ZBBX: variants seen among roughly 807,000 people sequenced by gnomAD.
ZBBX encodes the protein zinc finger B-box domain containing.
A neutral mutation model predicts 108.5 loss-of-function variants in ZBBX; 101 were observed. That is an observed-to-expected ratio of 0.93 (90% CI 0.79 to 1.10). ZBBX has a LOEUF of 1.10. Among genes scored for constraint, ZBBX ranks in the 50% least tolerant of loss-of-function variants. The pLI, the probability that ZBBX is intolerant of heterozygous loss-of-function variation, is 0.00. For synonymous variants in ZBBX, 356 were observed against 323.4 expected (o/e 1.10, Z -1.08); for missense variants, 1,009 against 941.4 (o/e 1.07, Z -0.94).
intron 18 of ZBBX, among the ~76,000 whole-genome samples, chr3:167,295,801 GC>G (rs1367413343): frequency 7.6e-6 from 1 of 131,032 alleles, no homozygotes; most frequent in Non-Finnish European, 1.6e-5. Flanking sequence ...ACAAAAATTT[GC>G]CAATAATGAA....
At chr3:167,328,201 T>C in intron 10 of ZBBX, 85 bp from the exon 11 acceptor site, 1 of 1,360,964 alleles carries the variant, frequency 7.3e-7, no homozygotes, top group Non-Finnish European at 1.0e-6. Flanking sequence ...ATTCTGTGTT[T>C]TAAAATACAG....
At chr3:167,359,267 G>A (rs1411968645) in intron 8 of ZBBX, among the ~76,000 whole-genome samples, 2 of 152,062 alleles carry the variant, frequency 1.3e-5, no homozygotes, top group Non-Finnish European at 2.9e-5. Context: ...TAAAAATCAG[G>A]ACAGTAGTTG....
chr3:167,360,005 C>A, intron 7 of ZBBX, 26 bp from the exon 8 acceptor site: 4 of 1,313,008 alleles, frequency 3.0e-6, no homozygotes, highest in South Asian at 2.9e-5. Context: ...TAATATTACT[C>A]CAATCATTTA....
chr3:167,327,386 T>C (rs1737588697), intron 11 of ZBBX, among the ~76,000 whole-genome samples: 1 of 152,140 alleles, frequency 6.6e-6, no homozygotes, highest in African/African-American at 2.4e-5. Flanking sequence ...AATCCAATTA[T>C]CCATTCATTT....
At chr3:167,190,466 C>T in the ZBBX span, among the ~76,000 whole-genome samples, 1 of 151,034 alleles carries the variant, frequency 6.6e-6, no homozygotes, top group Non-Finnish European at 1.5e-5. Context: ...CTGCAAGCTC[C>T]GCCTCCCGGG....
rs1560124211 is a variant in ZBBX at position 167,323,246 on chromosome 3, G to C, written c.863-1009C>G. Among the ~76,000 whole-genome samples, 11 of 149,230 alleles carry C rather than the reference G, an allele frequency of 7.4e-5. 1 individual carries two copies. The highest frequency in any genetic ancestry group is 6.7e-4 in the South Asian group (3 of 4,510). On this transcript the variant is annotated intron_variant, in intron 11 of 21. Coordinates refer to ENST00000675490, the MANE Select transcript of ZBBX (RefSeq NM_001199201.2). ...GACAGGAGAGCTAAAAGAGGGGGGG[G>C]GGGGAAAGAACTCTTTTGTTTTTGC...
the ZBBX span, among the ~76,000 whole-genome samples, chr3:167,231,729 T>C: frequency 1.6e-4 from 24 of 151,758 alleles, no homozygotes; most frequent in Admixed American, 1.6e-3. Context: ...AAGCAAGAGA[T>C]TGGAATTCTG....
At chr3:167,276,943 C>T (rs1488309649) in intron 20 of ZBBX, among the ~76,000 whole-genome samples, 1 of 152,264 alleles carries the variant, frequency 6.6e-6, no homozygotes, top group Admixed American at 6.5e-5. Context: ...CAATATTCAA[C>T]ATTCTTAAAG....
At chr3:167,252,207 G>A (rs1332650770) in intron 20 of ZBBX, 1 of 1,288,944 alleles carries the variant, frequency 7.8e-7, no homozygotes. Flanking sequence ...AGAAGTGGAT[G>A]CATCCTAGAA....
chr3:167,350,200 T>C (rs373798306), intron 9 of ZBBX, among the ~76,000 whole-genome samples: 1 of 152,070 alleles, frequency 6.6e-6, no homozygotes, highest in East Asian at 1.9e-4. Flanking sequence ...CTAAGCTGTT[T>C]CTGCAACTAC....
the ZBBX span, among the ~76,000 whole-genome samples, chr3:167,184,783 A>G: frequency 6.6e-6 from 1 of 152,118 alleles, no homozygotes; most frequent in Non-Finnish European, 1.5e-5. Context: ...GGCAATTTAA[A>G]TTTGGTAATA....
the ZBBX span, among the ~76,000 whole-genome samples, chr3:167,191,618 T>C: frequency 6.6e-6 from 1 of 152,060 alleles, no homozygotes. Flanking sequence ...TGTGACTTGC[T>C]CTTCCTTGGC....
chr3:167,294,878 AAAGGATATGACAGACACT>A (rs558148466), intron 18 of ZBBX, among the ~76,000 whole-genome samples: 5 of 152,298 alleles, frequency 3.3e-5, no homozygotes, highest in African/African-American at 1.2e-4. Context: ...AAAAGTAGGC[AAAGGATATGACAGACACT>A]TCTCAAAAGA....
At chr3:167,280,086 C>G (rs1728493379) in intron 20 of ZBBX, among the ~76,000 whole-genome samples, 1 of 151,942 alleles carries the variant, frequency 6.6e-6, no homozygotes, top group Admixed American at 6.6e-5. Context: ...ACACCTTATA[C>G]AAAAATCAAT....
At chr3:167,261,775 CAAA>C (rs60045904) in intron 20 of ZBBX, among the ~76,000 whole-genome samples, 37,084 of 96,330 alleles carry the variant, frequency 0.38, 6,641 homozygotes, top group East Asian at 0.7. Context: ...CTCCCAACTG[CAAA>C]AAAAAAAAAA....
intron 9 of ZBBX, among the ~76,000 whole-genome samples, chr3:167,339,292 A>G (rs777125205): frequency 1.3e-5 from 2 of 152,176 alleles, no homozygotes; most frequent in Non-Finnish European, 2.9e-5. Flanking sequence ...AGGGACTTCA[A>G]CAACCCTGCA....
In ZBBX at chr3:167,242,469, T is replaced by C. The variant is rs762444241; in HGVS notation, c.2393+36A>G. 3 of 1,554,314 alleles carry C rather than the reference T, an allele frequency of 1.9e-6. No homozygotes were observed. The Admixed American group carries it at 6.1e-5, about 32-fold the overall frequency. The stretch of plus-strand genomic sequence containing the variant: ...TGGAGCTTGTCAAAATTTTACTACA[T>C]ACTATATTAATAAATAAACTGCAGG... On this transcript the variant is annotated intron_variant, in intron 21 of 21. Coordinates refer to ENST00000675490, the MANE Select transcript of ZBBX (RefSeq NM_001199201.2).
chr3:167,328,010 A>G lies in ZBBX; in HGVS notation c.794T>C (p.Val265Ala), dbSNP rs191259737. Residue 265 changes from valine (V) to alanine (A), a missense_variant, in exon 11 of 22, where the codon GTG becomes GCG. Transcript: ENST00000675490. ...EEASAQSFQE[V>A]LSQWRTGNHD... is the part of the protein sequence containing the mutation. ...ATTTCCGGTTCTCCATTGACTTAACACTTCCTGAAAGGACTGTGCAGAAGC... is the reference window on the plus strand; with the variant it reads ...ATTTCCGGTTCTCCATTGACTTAACGCTTCCTGAAAGGACTGTGCAGAAGC... The G allele has an allele frequency of 5.1e-4, 826 of 1,613,614 alleles. No homozygotes were observed. Among genetic ancestry groups the G allele is most frequent in the Non-Finnish European group, 6.6e-4 (783 of 1,179,906 alleles).
chr3:167,183,993 G>T, the ZBBX span, among the ~76,000 whole-genome samples: 1 of 152,238 alleles, frequency 6.6e-6, no homozygotes, highest in African/African-American at 2.4e-5. Context: ...TTGTAAAAAG[G>T]ATACATCTAT....
Sources: allele counts gnomAD v4.1 joint callset (sites outside exome capture counted in the v4.1 genomes callset), GRCh38; gene constraint gnomAD v4.1.1; transcripts MANE v1.5; gene names NCBI Gene and HGNC (gene_info 2026-07-23, HGNC 2026-07-21).